Variants in ACACA observed in about 807,000 individuals in gnomAD.
ACACA encodes the protein acetyl-CoA carboxylase alpha.
Under a neutral mutation model 296.1 loss-of-function variants are expected in ACACA, and 103 were observed. The observed-to-expected ratio is 0.35, with a 90% CI of 0.30 to 0.41. ACACA has a LOEUF of 0.41. ACACA is among the 10% of genes least tolerant of loss of function. The pLI is 1.00. For missense variants in ACACA, 1,554 were observed against 2,989.7 expected (o/e 0.52, Z 11.20); for synonymous variants, 953 against 1,038.6 (o/e 0.92, Z 1.58).
chr17:37,381,728 C>A (rs192898754), intron 1 of ACACA, among the ~76,000 whole-genome samples: 2 of 150,024 alleles, frequency 1.3e-5, no homozygotes, highest in South Asian at 2.1e-4. Flanking sequence ...CTCGGGTTCA[C>A]GCCATTCTCC....
At chr17:37,384,008 G>A (rs1465382573) in intron 1 of ACACA, among the ~76,000 whole-genome samples, 1 of 152,200 alleles carries the variant, frequency 6.6e-6, no homozygotes, top group East Asian at 1.9e-4. Context: ...TCTCATGCCT[G>A]TAATCCCAGC....
chr17:37,356,292 A>G (rs554478289), intron 1 of ACACA, among the ~76,000 whole-genome samples: 3 of 152,340 alleles, frequency 2.0e-5, no homozygotes, highest in East Asian at 3.9e-4. Context: ...TTTTTAGCCA[A>G]TGAGTTTCTA....
chr17:37,399,568 C>T (rs568283150), intron 1 of ACACA, among the ~76,000 whole-genome samples: 26 of 152,200 alleles, frequency 1.7e-4, no homozygotes, highest in Admixed American at 9.2e-4. Context: ...TCTGATAAAC[C>T]GAGCCACTTA....
chr17:37,201,180 T>C (rs2078230359), intron 33 of ACACA, among the ~76,000 whole-genome samples: 1 of 152,218 alleles, frequency 6.6e-6, no homozygotes, highest in Non-Finnish European at 1.5e-5. Context: ...GGCTCACGCC[T>C]GTAATCCCAA....
chr17:37,377,394 C>T (rs2050047620), intron 1 of ACACA, among the ~76,000 whole-genome samples: 1 of 151,990 alleles, frequency 6.6e-6, no homozygotes. Context: ...CGTGGTGGCT[C>T]ACACCTGTCA....
At chr17:37,288,404 A>C (rs1483999076) in intron 3 of ACACA, among the ~76,000 whole-genome samples, 1 of 152,324 alleles carries the variant, frequency 6.6e-6, no homozygotes, top group Admixed American at 6.5e-5. Context: ...AACCAGACAC[A>C]AAAAAGTATA....
intron 45 of ACACA, among the ~76,000 whole-genome samples, chr17:37,136,938 G>A (rs1597931886): frequency 6.8e-6 from 1 of 148,050 alleles, no homozygotes; most frequent in Non-Finnish European, 1.5e-5. Flanking sequence ...GCGAGACTCC[G>A]TCTCAAAAAA....
chr17:37,240,057 A>G (rs2080313604), intron 24 of ACACA, among the ~76,000 whole-genome samples: 2 of 152,192 alleles, frequency 1.3e-5, no homozygotes, highest in South Asian at 4.1e-4. Flanking sequence ...GTATTGGAAA[A>G]CCTGAACTTG....
chr17:37,298,682 A>C (rs368921202), intron 3 of ACACA, among the ~76,000 whole-genome samples: 1 of 152,154 alleles, frequency 6.6e-6, no homozygotes, highest in Non-Finnish European at 1.5e-5. Flanking sequence ...TTTTATGTCA[A>C]TTCTCTGCAG....
chr17:37,124,332 G>A (rs968699176), intron 48 of ACACA, among the ~76,000 whole-genome samples: 1 of 152,198 alleles, frequency 6.6e-6, no homozygotes, highest in Non-Finnish European at 1.5e-5. Flanking sequence ...ACTGATCTTG[G>A]TCGCAAAGCA....
rs566333840 is a variant in ACACA, at chr17:37,263,909, G to A, written c.1120-15C>T. ...TCAGCTTGAACCTGTATTAGAAAAG[G>A]GGGAAAAAAAAAACCAATTCTTAAA... On this transcript the variant is annotated splice_polypyrimidine_tract_variant and intron_variant, in intron 10 of 55. Transcript: ENST00000616317. 183 of 1,604,892 alleles carry A rather than the reference G, an allele frequency of 1.1e-4. No individual in the cohort carries two copies. In the Middle Eastern group the frequency reaches 2.2e-3, roughly 19 times the overall value.
chr17:37,102,226 A>T (rs1165815233), intron 52 of ACACA, among the ~76,000 whole-genome samples: 1 of 113,014 alleles, frequency 8.8e-6, no homozygotes, highest in Admixed American at 1.2e-4. Flanking sequence ...TTTTTTTGAG[A>T]CGGAGTCTTG....
chr17:37,128,044 A>AC (rs2074900316), intron 47 of ACACA, among the ~76,000 whole-genome samples: 2 of 149,050 alleles, frequency 1.3e-5, no homozygotes, highest in Non-Finnish European at 3.0e-5. Flanking sequence ...AAAAAAAAAA[A>AC]AAAAAAAAAA....
At chr17:37,144,225 A>G in intron 45 of ACACA, 3 of 709,108 alleles carry the variant, frequency 4.2e-6, no homozygotes, top group Non-Finnish European at 5.2e-6. Flanking sequence ...TCCTCCCAAC[A>G]AGTTTGCACA....
At chr17:37,239,523 A>G (rs978963437) in intron 24 of ACACA, among the ~76,000 whole-genome samples, 3 of 152,260 alleles carry the variant, frequency 2.0e-5, no homozygotes, top group South Asian at 2.1e-4. Context: ...GGTCCCTTTT[A>G]CAAGATTTTA....
At chr17:37,119,064 A>G (rs2074393836) in intron 50 of ACACA, among the ~76,000 whole-genome samples, 1 of 152,226 alleles carries the variant, frequency 6.6e-6, no homozygotes, top group Non-Finnish European at 1.5e-5. Context: ...AGAGATAAGT[A>G]AGGAGTAATA....
chr17:37,135,475 T>C (rs921770539), intron 45 of ACACA, among the ~76,000 whole-genome samples: 1 of 152,080 alleles, frequency 6.6e-6, no homozygotes, highest in Non-Finnish European at 1.5e-5. Flanking sequence ...TCAAGACCAT[T>C]TGCTATAAGA....
intron 1 of ACACA, chr17:37,379,089 A>G (rs753365106): frequency 1.3e-6 from 2 of 1,567,404 alleles, no homozygotes; most frequent in Non-Finnish European, 1.7e-6. Flanking sequence ...CCAACCAAAC[A>G]AAAAACAAAA....
chr17:37,179,817 A>G (rs2077252245), intron 40 of ACACA, among the ~76,000 whole-genome samples: 1 of 152,252 alleles, frequency 6.6e-6, no homozygotes, highest in Admixed American at 6.5e-5. Flanking sequence ...ATAAAAAGAA[A>G]ATCCAAGAAG....
Sources: allele counts gnomAD v4.1 joint callset (sites outside exome capture counted in the v4.1 genomes callset), GRCh38; gene constraint gnomAD v4.1.1; transcripts MANE v1.5; gene names NCBI Gene and HGNC (gene_info 2026-07-23, HGNC 2026-07-21).